DCAF11: variants seen among roughly 807,000 people sequenced by gnomAD.
DCAF11 encodes DDB1- and CUL4-associated factor 11.
A neutral mutation model predicts 76.1 loss-of-function variants in DCAF11; 44 were observed. That is an observed-to-expected ratio of 0.58 (90% CI 0.45 to 0.74). DCAF11 has a LOEUF of 0.74. Ranked by LOEUF, DCAF11 falls within the 30% of genes least tolerant of loss-of-function variation. The probability of loss-of-function intolerance (pLI) is 0.00; values close to 1 mark genes in which losing one functional copy is unlikely to be tolerated. For missense variants in DCAF11, 604 were observed against 709.4 expected (o/e 0.85, Z 1.69); for synonymous variants, 258 against 255.0 (o/e 1.01, Z -0.11).
chr14:24,118,442 G>T lies in DCAF11; in HGVS notation c.632G>T (p.Ser211Ile). 6.2e-7 allele frequency: 1 copy of T among 1,614,192 alleles called. No homozygotes were observed. The highest frequency in any genetic ancestry group is 1.1e-5 in the South Asian group (1 of 91,084). ...CRYGRFRKFK[S>I]IKARDVGWSV... ...TATGGCCGTTTCCGTAAATTCAAGA[G>T]CATCAAGGCCCGCGACGTAGGCTGG... Residue 211 changes from serine to isoleucine, a missense_variant, in exon 7 of 15, where the codon AGC becomes ATC. Ser to Ile is a moderately radical substitution (Grantham distance 142). Transcript: ENST00000446197.
In DCAF11 at chr14:24,117,823, G is replaced by T; in HGVS notation, c.476+91G>T. ...GGGTAGGTGTTAAAGGAGCCTCAGA[G>T]ATATTAAAGGTTAGGTTAAATGGGG... On this transcript the variant is annotated intron_variant, in intron 5 of 14. Coordinates refer to ENST00000446197, the MANE Select transcript of DCAF11 (RefSeq NM_025230.5). This position sits in a 1 kb window ranked among gnomAD's most constrained non-coding sequence, Gnocchi z 4.3. 1.5e-6 allele frequency: 2 copies of T among 1,340,336 alleles called. No homozygotes were observed. The highest frequency in any genetic ancestry group is 1.3e-5 in the South Asian group (1 of 79,038). 83.0% of individuals were successfully genotyped at this position (1,340,336 alleles called of 1,614,324 possible). A position where few individuals can be genotyped will look rare whatever the true frequency, so the allele number is the denominator to read the frequency against.
chr14:24,123,171 G>C lies in DCAF11; in HGVS notation c.1507-4G>C, dbSNP rs1285442791. On this transcript the variant is annotated splice_region_variant and splice_polypyrimidine_tract_variant and intron_variant, in intron 14 of 14. Coordinates refer to ENST00000446197, the MANE Select transcript of DCAF11 (RefSeq NM_025230.5). ...CTGACTGCTTGCCACCCTCTGCCCT[G>C]CAGTGGGACGGGAACCTGCGTCTGT... 3 of 1,612,858 alleles carry C rather than the reference G, an allele frequency of 1.9e-6. No homozygotes were observed. The highest frequency in any genetic ancestry group is 2.5e-6 in the Non-Finnish European group (3 of 1,179,206).
chr14:24,123,317 C>G lies in DCAF11; in HGVS notation c.*8C>G. 1 of 1,521,126 alleles carries G rather than the reference C, an allele frequency of 6.6e-7. No individual in the cohort carries two copies. The highest frequency in any genetic ancestry group is 8.8e-7 in the Non-Finnish European group (1 of 1,135,000). 94.2% of individuals were successfully genotyped at this position (1,521,126 alleles called of 1,614,324 possible). On this transcript the variant is annotated 3_prime_UTR_variant, in exon 15 of 15. Transcript: ENST00000446197. ...TTTTCCTCACCCCAGTAGATCCAAC[C>G]TCCAGCCCCATATAGGGTGAACCTC...
chr14:24,114,790 A>C lies in DCAF11; in HGVS notation c.-717A>C, dbSNP rs1321130687. ...GGCGGGGCCGTCGTGTGACGTTTGC[A>C]GCCCGCCGGCCAGGAAGCCGCGAGA... On this transcript the variant is annotated 5_prime_UTR_variant, in exon 1 of 15. Transcript: ENST00000446197. The C allele has an allele frequency of 1.0e-6, 1 of 985,846 alleles. No homozygotes were observed. The highest frequency in any genetic ancestry group is 1.2e-6 in the Non-Finnish European group (1 of 829,978). 61.1% of individuals were successfully genotyped at this position (985,846 alleles called of 1,614,324 possible). A position where few individuals can be genotyped will look rare whatever the true frequency, so the allele number is the denominator to read the frequency against.
Position 24,123,865 on chromosome 14 carries a change from C to T in DCAF11, c.*556C>T, listed in dbSNP as rs1444312540. ...GTAGGACAGGCTGTGGTATGAGAGG[C>T]AGGAGTCTCCACAAGGCTTCATGTG... On this transcript the variant is annotated 3_prime_UTR_variant, in exon 15 of 15. Coordinates refer to ENST00000446197, the MANE Select transcript of DCAF11 (RefSeq NM_025230.5). The T allele has an allele frequency of 6.6e-6, 1 of 152,488 alleles. No individual in the cohort carries two copies. The highest frequency in any genetic ancestry group is 2.4e-5 in the African/African-American group (1 of 41,446). 9.4% of individuals were successfully genotyped at this position (152,488 alleles called of 1,614,324 possible). A position where few individuals can be genotyped will look rare whatever the true frequency, so the allele number is the denominator to read the frequency against.
In DCAF11 at chr14:24,124,924, A is replaced by T. The variant is rs1019342337; in HGVS notation, c.*1615A>T. The T allele has an allele frequency of 1.3e-5, 2 of 152,260 alleles. No homozygotes were observed. Among genetic ancestry groups the T allele is most frequent in the African/African-American group, 4.8e-5 (2 of 41,446 alleles). 9.4% of individuals were successfully genotyped at this position (152,260 alleles called of 1,614,324 possible). On this transcript the variant is annotated 3_prime_UTR_variant, in exon 15 of 15. Transcript: ENST00000446197. ...CCGGATATGGTGGCGGGTGCCTGTA[A>T]TCTCAGCTACTTGAGAGGCTGAGGC...
intron 13 of DCAF11, 132 bp downstream of exon 13, chr14:24,121,649 G>A: frequency 1.0e-6 from 1 of 977,566 alleles, no homozygotes; most frequent in Non-Finnish European, 1.5e-6. Context: ...TAGCTTGGAG[G>A]CTTAAACAGA....
rs2037757369 is a variant in DCAF11, at chr14:24,125,084, G to T, written c.*1775G>T. On this transcript the variant is annotated 3_prime_UTR_variant, in exon 15 of 15. Transcript: ENST00000446197. ...AAATTAGCCAGATGTGGTGACGCAT[G>T]CCTGTAGTCCTAGCTACTCAGGAGG... 1 of 152,230 alleles carries T rather than the reference G, an allele frequency of 6.6e-6. No homozygotes were observed. The highest frequency in any genetic ancestry group is 2.4e-5 in the African/African-American group (1 of 41,438). The allele number at this position is 152,230 out of a possible 1,614,324, so 9.4% of individuals were successfully genotyped here. A position where few individuals can be genotyped will look rare whatever the true frequency, so the allele number is the denominator to read the frequency against.
intron 2 of DCAF11, among the ~76,000 whole-genome samples, chr14:24,116,323 G>A (rs1289881356): frequency 6.6e-6 from 1 of 152,162 alleles, no homozygotes; most frequent in South Asian, 2.1e-4. Context: ...GGTCCCTTCA[G>A]AATATTGTAT....
At chr14:24,120,556 C>G (rs1392281923) in intron 11 of DCAF11, among the ~76,000 whole-genome samples, 2 of 149,862 alleles carry the variant, frequency 1.3e-5, no homozygotes, top group Non-Finnish European at 3.0e-5. Context: ...GACTCCATCT[C>G]AAAAAAAAAT....
Position 24,123,607 on chromosome 14 carries a change from C to G in DCAF11, c.*298C>G, listed in dbSNP as rs2037732199. ...GAGAAGTGTCCTGGGTGTTTTTAAT[C>G]ATGTTTGAATGTTAGGGGTTGGATC... On this transcript the variant is annotated 3_prime_UTR_variant, in exon 15 of 15. Transcript: ENST00000446197. The G allele has an allele frequency of 5.8e-6, 2 of 342,170 alleles. No individual in the cohort carries two copies. The highest frequency in any genetic ancestry group is 8.8e-5 in the Admixed American group (2 of 22,630). 21.2% of individuals were successfully genotyped at this position (342,170 alleles called of 1,614,324 possible).
chr14:24,115,944 G>A (rs1388879251), intron 2 of DCAF11, among the ~76,000 whole-genome samples, 195 bp downstream of exon 2: 2 of 152,146 alleles, frequency 1.3e-5, no homozygotes, highest in South Asian at 2.1e-4. Context: ...CTTACCTAGG[G>A]AGGGTCACCA....
chr14:24,117,521 C>A lies in DCAF11; in HGVS notation c.411+128C>A. ...TCAAGCGCTGGGGCTGGAGAGTTAA[C>A]CAGCCTCCATCGGAGTTCTGTGGGA... On this transcript the variant is annotated intron_variant, in intron 4 of 14. Coordinates refer to ENST00000446197, the MANE Select transcript of DCAF11 (RefSeq NM_025230.5). This position sits in a 1 kb window ranked among gnomAD's most constrained non-coding sequence, Gnocchi z 4.3. 1 of 1,533,404 alleles carries A rather than the reference C, an allele frequency of 6.5e-7. No homozygotes were observed. The highest frequency in any genetic ancestry group is 1.2e-5 in the South Asian group (1 of 82,928). The allele number at this position is 1,533,404 out of a possible 1,614,324, so 95.0% of individuals were successfully genotyped here. A position where few individuals can be genotyped will look rare whatever the true frequency, so the allele number is the denominator to read the frequency against.
rs923184170 is a variant in DCAF11 at position 24,115,087 on chromosome 14, C to T, written c.-420C>T. ...TATTTTCATTGGCTGTCACTGCTGC[C>T]GGCCTTTGTAAGGGGGCGCTCTGAT... On this transcript the variant is annotated 5_prime_UTR_variant, in exon 1 of 15. Transcript: ENST00000446197. 3 of 940,370 alleles carry T rather than the reference C, an allele frequency of 3.2e-6. No individual in the cohort carries two copies. The highest frequency in any genetic ancestry group is 1.2e-4 in the East Asian group (1 of 8,620). The allele number at this position is 940,370 out of a possible 1,614,324, so 58.3% of individuals were successfully genotyped here. A position where few individuals can be genotyped will look rare whatever the true frequency, so the allele number is the denominator to read the frequency against.
chr14:24,117,586 A>C lies in DCAF11; in HGVS notation c.412-82A>C. On this transcript the variant is annotated intron_variant, in intron 4 of 14. Coordinates refer to ENST00000446197, the MANE Select transcript of DCAF11 (RefSeq NM_025230.5). The surrounding 1 kb of genome is among the most constrained non-coding windows in gnomAD (Gnocchi z 4.3). Reference sequence around the variant, plus strand: ...TGTGTCCATTTCTATAACAAGAGCAATATCTTTGGAGGAGGGGGCTTGATA... The same window carrying C: ...TGTGTCCATTTCTATAACAAGAGCACTATCTTTGGAGGAGGGGGCTTGATA... The C allele has an allele frequency of 1.3e-6, 2 of 1,551,622 alleles. No individual in the cohort carries two copies. The highest frequency in any genetic ancestry group is 1.8e-6 in the Non-Finnish European group (2 of 1,129,612).
intron 7 of DCAF11, 93 bp from the exon 8 acceptor site, chr14:24,118,657 T>C: frequency 6.3e-7 from 1 of 1,595,336 alleles, no homozygotes; most frequent in South Asian, 1.1e-5. Flanking sequence ...AGTGCTCCAG[T>C]ACCCTTGTCC....
Position 24,123,167 on chromosome 14 carries a change from C to T in DCAF11, c.1507-8C>T, listed in dbSNP as rs775284366. On this transcript the variant is annotated splice_region_variant and splice_polypyrimidine_tract_variant and intron_variant, in intron 14 of 14. Coordinates refer to ENST00000446197, the MANE Select transcript of DCAF11 (RefSeq NM_025230.5). ...CATCCTGACTGCTTGCCACCCTCTG[C>T]CCTGCAGTGGGACGGGAACCTGCGT... 2 of 1,613,220 alleles carry T rather than the reference C, an allele frequency of 1.2e-6. No homozygotes were observed. The highest frequency in any genetic ancestry group is 1.7e-5 in the Admixed American group (1 of 59,996).
In DCAF11 at chr14:24,115,633, C is replaced by G. The variant is rs895539083; in HGVS notation, c.39C>G (p.Ser13=). 1 of 1,613,762 alleles carries G rather than the reference C, an allele frequency of 6.2e-7. No individual in the cohort carries two copies. Among genetic ancestry groups the G allele is most frequent in the African/African-American group, 1.3e-5 (1 of 75,052 alleles). ...ACAGCAGCAGTGCAGGATCCGGGTC[C>G]GGAGACCCCTCCGAGGGCTTGCCCC... ...SRNSSSAGSG[S]GDPSEGLPRR... is the part of the protein sequence containing the mutation. Residue 13 remains serine (S), a synonymous_variant, in exon 2 of 15, where the codon TCC becomes TCG. Coordinates refer to ENST00000446197, the MANE Select transcript of DCAF11 (RefSeq NM_025230.5).
In DCAF11 at chr14:24,117,855, CTT is replaced by C; in HGVS notation, c.476+125_476+126del. On this transcript the variant is annotated intron_variant, in intron 5 of 14. Transcript: ENST00000446197. This position sits in a 1 kb window ranked among gnomAD's most constrained non-coding sequence, Gnocchi z 4.3. The stretch of plus-strand genomic sequence containing the variant: ...AAGGTTAGGTTAAATGGGGTTGAAA[CTT>C]TGAGAGTAAACAAAGTAGAAAAGTG... 1 of 1,092,370 alleles carries C rather than the reference CTT, an allele frequency of 9.2e-7. No homozygotes were observed. The highest frequency in any genetic ancestry group is 1.3e-6 in the Non-Finnish European group (1 of 752,050). 67.7% of individuals were successfully genotyped at this position (1,092,370 alleles called of 1,614,324 possible).
Sources: gnomAD v4.1 joint callset for allele counts (sites outside exome capture counted in the v4.1 genomes callset) on GRCh38, gnomAD v4.1.1 for gene constraint, Gnocchi (gnomAD v3.1) non-coding constraint, MANE v1.5 for transcripts, NCBI Gene and HGNC (gene_info 2026-07-23, HGNC 2026-07-21) for gene names.